Variants in GAB3 observed in about 807,000 individuals in gnomAD.
The protein encoded by GAB3 is GRB2 associated binding protein 3.
GAB3 carries 12 observed loss-of-function variants against 40.4 expected under a neutral mutation model. The observed-to-expected ratio is 0.30, with a 90% CI of 0.19 to 0.48. GAB3 has a LOEUF of 0.48. GAB3 is among the 20% of genes least tolerant of loss of function. The probability of loss-of-function intolerance (pLI) is 0.99; values close to 1 mark genes in which losing one functional copy is unlikely to be tolerated. For synonymous variants in GAB3, 154 were observed against 176.7 expected, an observed-to-expected ratio of 0.87 and a Z score of 1.02; for missense variants, 381 against 461.9, an observed-to-expected ratio of 0.82 and a Z score of 1.61.
At chrX:154,710,813 G>C (rs1603425957) in intron 4 of GAB3, among the ~76,000 whole-genome samples, 1 of 112,098 alleles carries the variant, frequency 8.9e-6, no homozygotes, top group East Asian at 2.8e-4. Flanking sequence ...CAACCTAATT[G>C]TTTTATGTTT....
At chrX:154,739,722 A>G (rs1557260977) in intron 1 of GAB3, among the ~76,000 whole-genome samples, 1 of 110,814 alleles carries the variant, frequency 9.0e-6, no homozygotes, top group Non-Finnish European at 1.9e-5. Flanking sequence ...GTTTTCATCA[A>G]ACATTTAAAA....
At chrX:154,740,969 G>A (rs1462681922) in intron 1 of GAB3, among the ~76,000 whole-genome samples, 2 of 111,737 alleles carry the variant, frequency 1.8e-5, no homozygotes, top group African/African-American at 6.5e-5. Context: ...GATATGGTTT[G>A]GCTGTGTCTC....
At chrX:154,711,857 T>A (rs1206803003) in intron 4 of GAB3, among the ~76,000 whole-genome samples, 1 of 112,198 alleles carries the variant, frequency 8.9e-6, no homozygotes, top group African/African-American at 3.2e-5. Context: ...AGGACTTGCA[T>A]GGGCAAGCCC....
At chrX:154,716,803 A>T (rs781841382) in intron 1 of GAB3, among the ~76,000 whole-genome samples, 1 of 112,069 alleles carries the variant, frequency 8.9e-6, no homozygotes, top group Non-Finnish European at 1.9e-5. Context: ...CAACTGGCCA[A>T]GAAGGAAAAT....
At chrX:154,707,839 A>C (rs2070835131) in intron 4 of GAB3, among the ~76,000 whole-genome samples, 1 of 112,540 alleles carries the variant, frequency 8.9e-6, no homozygotes, top group African/African-American at 3.2e-5. Flanking sequence ...GCTGGATATA[A>C]AATCAAAATC....
At chrX:154,699,970 T>A in intron 5 of GAB3, 34 bp downstream of exon 5, 3 of 1,152,067 alleles carry the variant, frequency 2.6e-6, no homozygotes, top group Non-Finnish European at 3.6e-6. Context: ...TTTGGTAAAA[T>A]TGATGCTTAA....
At chrX:154,733,167 GT>G (rs1451957674) in intron 1 of GAB3, among the ~76,000 whole-genome samples, 1 of 112,308 alleles carries the variant, frequency 8.9e-6, no homozygotes, top group Non-Finnish European at 1.9e-5. Flanking sequence ...TTCAGAAAAT[GT>G]TTGCTGAATG....
chrX:154,710,091 T>TAGCCA (rs2070909263), intron 4 of GAB3, among the ~76,000 whole-genome samples: 2 of 100,947 alleles, frequency 2.0e-5, no homozygotes, highest in South Asian at 1.3e-3. Context: ...GCATATCAAA[T>TAGCCA]CATCATGTTC....
rs1336448137 is a variant in GAB3 at position 154,676,438 on chromosome X, G to A, written c.*1740C>T. On this transcript the variant is annotated 3_prime_UTR_variant, in exon 10 of 10. Coordinates refer to ENST00000424127, the MANE Select transcript of GAB3 (RefSeq NM_001081573.3). ...CTCCTCACAGGCTCTGGCTGTGTGT[G>A]GTGATGCAGAGCTGGCTGTGGGGCT... The A allele has an allele frequency of 9.0e-6, 1 of 111,304 alleles. No individual in the cohort carries two copies. Among genetic ancestry groups the A allele is most frequent in the Non-Finnish European group, 1.9e-5 (1 of 53,080 alleles). The allele number at this position is 111,304 out of a possible 1,213,427, so 9.2% of individuals were successfully genotyped here.
At chrX:154,740,415 A>G (rs1359332510) in intron 1 of GAB3, among the ~76,000 whole-genome samples, 1 of 112,435 alleles carries the variant, frequency 8.9e-6, no homozygotes, top group Non-Finnish European at 1.9e-5. Flanking sequence ...AAATCAAGAA[A>G]CTTGTCTCAG....
chrX:154,718,660 C>A (rs2071083743), intron 1 of GAB3, among the ~76,000 whole-genome samples: 1 of 110,922 alleles, frequency 9.0e-6, no homozygotes, highest in Non-Finnish European at 1.9e-5. Context: ...TCAACTGAGG[C>A]AAACAGGAAC....
intron 1 of GAB3, among the ~76,000 whole-genome samples, chrX:154,741,991 T>G (rs1476194772): frequency 8.9e-6 from 1 of 111,768 alleles, no homozygotes; most frequent in Admixed American, 9.5e-5. Context: ...CAATTCAAGG[T>G]GAGATTTGGG....
intron 8 of GAB3, among the ~76,000 whole-genome samples, chrX:154,685,533 A>AT (rs1251192832): frequency 1.8e-5 from 2 of 111,455 alleles, no homozygotes; most frequent in African/African-American, 6.5e-5. Context: ...TGAGAACAAT[A>AT]TTTTTTTCCT....
intron 4 of GAB3, among the ~76,000 whole-genome samples, chrX:154,711,610 G>C (rs1320443679): frequency 8.9e-6 from 1 of 112,128 alleles, no homozygotes; most frequent in Non-Finnish European, 1.9e-5. Context: ...CAGCCACTTA[G>C]AATTTGGAAA....
chrX:154,727,702 A>G (rs1270484469), intron 1 of GAB3, among the ~76,000 whole-genome samples: 1 of 112,320 alleles, frequency 8.9e-6, no homozygotes, highest in Admixed American at 9.4e-5. Context: ...ACAGTGAACC[A>G]GATAGACACA....
intron 1 of GAB3, among the ~76,000 whole-genome samples, chrX:154,744,212 C>CAAAAAAAAA (rs56796528): frequency 3.3e-5 from 1 of 30,574 alleles, no homozygotes; most frequent in Non-Finnish European, 4.4e-5. Flanking sequence ...GATTCCATCT[C>CAAAAAAAAA]AAAAAAAAAA....
At chrX:154,710,258 C>G (rs1041767843) in intron 4 of GAB3, among the ~76,000 whole-genome samples, 1 of 112,049 alleles carries the variant, frequency 8.9e-6, no homozygotes, top group East Asian at 2.8e-4. Context: ...AACCGATCTA[C>G]AGATCGGATG....
intron 4 of GAB3, 50 bp from the exon 5 acceptor site, chrX:154,700,109 A>G: frequency 9.7e-7 from 1 of 1,026,258 alleles, no homozygotes. Flanking sequence ...ATATCAACTG[A>G]AACTAGAGTC....
At chrX:154,680,004 A>C (rs781847445) in intron 9 of GAB3, 128 bp downstream of exon 9, 19 of 487,724 alleles carry the variant, frequency 3.9e-5, no homozygotes, top group Admixed American at 6.5e-5. Flanking sequence ...GGCCGATTTT[A>C]ATATTCTTCA....
Sources: gnomAD v4.1 joint callset for allele counts (sites outside exome capture counted in the v4.1 genomes callset) on GRCh38, gnomAD v4.1.1 for gene constraint, MANE v1.5 for transcripts, NCBI Gene and HGNC (gene_info 2026-07-23, HGNC 2026-07-21) for gene names.